The following TRIQK variants were observed in gnomAD, a reference collection of about 807,000 sequenced individuals.
TRIQK encodes the protein triple QxxK/R motif-containing protein.
TRIQK carries 10 observed loss-of-function variants against 10.8 expected under a neutral mutation model. The ratio of observed to expected loss-of-function variants is 0.92; its 90% confidence interval spans 0.57 to 1.57. TRIQK has a LOEUF of 1.57. TRIQK is among the 40% of genes most tolerant of loss of function. TRIQK has a pLI of 0.00. For synonymous variants in TRIQK, 33 were observed against 33.7 expected, an observed-to-expected ratio of 0.98 and a Z score of 0.07; for missense variants, 107 against 97.7, an observed-to-expected ratio of 1.09 and a Z score of -0.40.
intron 1 of TRIQK, chr8:92,974,299 C>G (rs1427317708): frequency 6.6e-6 from 1 of 152,256 alleles, no homozygotes; most frequent in Non-Finnish European, 1.5e-5. Flanking sequence ...TACGACAGCA[C>G]AAAGTCTTCC....
At chr8:92,950,428 T>C (rs1184533509) in intron 2 of TRIQK, among the ~76,000 whole-genome samples, 1 of 152,170 alleles carries the variant, frequency 6.6e-6, no homozygotes, top group Non-Finnish European at 1.5e-5. Context: ...CAACTTAATC[T>C]CTAATCGTTG....
At chr8:92,889,486 C>A (rs1025773878) in intron 4 of TRIQK, among the ~76,000 whole-genome samples, 1 of 151,398 alleles carries the variant, frequency 6.6e-6, no homozygotes, top group African/African-American at 2.4e-5. Context: ...AACTTTATAA[C>A]ACTAATATCC....
intron 1 of TRIQK, chr8:92,972,584 C>CTTTGGCATTATGCCA (rs1293734449): frequency 1.3e-5 from 2 of 152,416 alleles, no homozygotes; most frequent in African/African-American, 4.8e-5. Context: ...TTTCTACTTG[C>CTTTGGCATTATGCCA]TTTGGCATTA....
chr8:92,972,374 G>C (rs1026036973), intron 1 of TRIQK, among the ~76,000 whole-genome samples: 3 of 151,882 alleles, frequency 2.0e-5, no homozygotes, highest in African/African-American at 7.3e-5. Flanking sequence ...AGTCAAAAAT[G>C]TTTAGACTTC....
chr8:92,962,818 T>C (rs1489901800), intron 1 of TRIQK, among the ~76,000 whole-genome samples: 1 of 152,210 alleles, frequency 6.6e-6, no homozygotes, highest in Non-Finnish European at 1.5e-5. Flanking sequence ...TAATTGTAAG[T>C]AAGCGTATCT....
At chr8:93,001,583 A>G (rs1813211706) in intron 1 of TRIQK, among the ~76,000 whole-genome samples, 2 of 152,338 alleles carry the variant, frequency 1.3e-5, no homozygotes, top group Non-Finnish European at 2.9e-5. Flanking sequence ...CAGCAAAATC[A>G]TATAACAGTT....
At chr8:93,012,911 G>A (rs1813350116) in intron 1 of TRIQK, among the ~76,000 whole-genome samples, 1 of 152,144 alleles carries the variant, frequency 6.6e-6, no homozygotes, top group African/African-American at 2.4e-5. Context: ...GAAACAACAA[G>A]GGCTGGGGCT....
At chr8:92,965,654 C>G (rs1329589463) in intron 1 of TRIQK, 1 of 152,484 alleles carries the variant, frequency 6.6e-6, no homozygotes, top group East Asian at 1.9e-4. Context: ...GTGTCCAGGG[C>G]CCAGCGGCTG....
At position 92,885,533 on chromosome 8, in the gene TRIQK, A is replaced by G; in HGVS notation, c.*1089T>C. 1 of 152,134 alleles carries G rather than the reference A, an allele frequency of 6.6e-6. No homozygotes were observed. Among genetic ancestry groups the G allele is most frequent in the East Asian group, 1.9e-4 (1 of 5,168 alleles). 9.4% of individuals were successfully genotyped at this position (152,134 alleles called of 1,614,324 possible). On this transcript the variant is annotated 3_prime_UTR_variant, in exon 5 of 5. Coordinates refer to ENST00000521988, the MANE Select transcript of TRIQK (RefSeq NM_001171797.2). ...GTTCAAGCATTGTAAAAACATATTT[A>G]AAAATTGAATTACCAGTAAAAATAT...
At chr8:92,900,834 A>T (rs994069585) in intron 3 of TRIQK, among the ~76,000 whole-genome samples, 1 of 152,134 alleles carries the variant, frequency 6.6e-6, no homozygotes, top group African/African-American at 2.4e-5. Context: ...TCTGGGTAGG[A>T]TAAACAATTT....
At chr8:92,923,526 T>G (rs553928282) in intron 2 of TRIQK, among the ~76,000 whole-genome samples, 1 of 151,846 alleles carries the variant, frequency 6.6e-6, no homozygotes, top group Non-Finnish European at 1.5e-5. Context: ...TAAGATAATA[T>G]TTATTATTTA....
At chr8:92,937,299 AAC>A (rs139367188) in intron 2 of TRIQK, among the ~76,000 whole-genome samples, 6 of 150,982 alleles carry the variant, frequency 4.0e-5, no homozygotes, top group South Asian at 2.1e-4. Flanking sequence ...TACCTATACC[AAC>A]ACACACACAC....
chr8:92,999,304 T>C (rs1188620399), intron 1 of TRIQK, among the ~76,000 whole-genome samples: 2 of 152,172 alleles, frequency 1.3e-5, no homozygotes, highest in Non-Finnish European at 2.9e-5. Context: ...TTGTTTTTAA[T>C]ATTTTTATTG....
chr8:92,949,968 G>A (rs1055731338), intron 2 of TRIQK, among the ~76,000 whole-genome samples: 2 of 151,988 alleles, frequency 1.3e-5, no homozygotes, highest in African/African-American at 4.8e-5. Context: ...AAGATTCTTA[G>A]GATATAAGAA....
chr8:92,986,586 A>ATAATTCTG (rs1388815541), intron 1 of TRIQK, among the ~76,000 whole-genome samples: 14 of 152,320 alleles, frequency 9.2e-5, no homozygotes, highest in Non-Finnish European at 2.1e-4. Flanking sequence ...AACTTTCTAG[A>ATAATTCTG]TAATTCTGTA....
chr8:92,894,546 C>T (rs768472927), intron 3 of TRIQK, among the ~76,000 whole-genome samples: 1 of 151,806 alleles, frequency 6.6e-6, no homozygotes, highest in African/African-American at 2.4e-5. Flanking sequence ...GATGCAATAA[C>T]CAAAGTAGCT....
At chr8:92,975,771 A>G (rs977776685) in intron 1 of TRIQK, among the ~76,000 whole-genome samples, 14 of 151,912 alleles carry the variant, frequency 9.2e-5, no homozygotes, top group Admixed American at 9.2e-4. Context: ...GCCATTGATT[A>G]GAGTATTTTC....
intron 2 of TRIQK, among the ~76,000 whole-genome samples, chr8:92,920,452 T>C (rs1386278098): frequency 4.0e-5 from 6 of 151,444 alleles, no homozygotes; most frequent in Admixed American, 2.6e-4. Flanking sequence ...AAAAGCCAAC[T>C]TCTTCTGAGA....
At chr8:92,927,534 C>G (rs528609047) in intron 2 of TRIQK, among the ~76,000 whole-genome samples, 1 of 152,144 alleles carries the variant, frequency 6.6e-6, no homozygotes, top group South Asian at 2.1e-4. Context: ...GGTCACTAGT[C>G]AGTGTGAGTG....
Sources: allele counts gnomAD v4.1 joint callset (sites outside exome capture counted in the v4.1 genomes callset), GRCh38; gene constraint gnomAD v4.1.1; transcripts MANE v1.5; gene names NCBI Gene and HGNC (gene_info 2026-07-23, HGNC 2026-07-21).